The following PHLDB2 variants were observed in gnomAD, a reference collection of about 807,000 sequenced individuals.
PHLDB2 encodes pleckstrin homology-like domain family B member 2.
In PHLDB2, 71 loss-of-function variants were observed where a neutral mutation model predicts 123.6. That is an observed-to-expected ratio of 0.57 (90% CI 0.47 to 0.70). PHLDB2 has a LOEUF of 0.70. Ranked by LOEUF, PHLDB2 falls within the 30% of genes least tolerant of loss-of-function variation. PHLDB2 has a pLI of 0.00. For synonymous variants in PHLDB2, 547 were observed against 541.6 expected, an observed-to-expected ratio of 1.01 and a Z score of -0.14; for missense variants, 1,446 against 1,519.5, an observed-to-expected ratio of 0.95 and a Z score of 0.80.
intron 1 of PHLDB2, among the ~76,000 whole-genome samples, chr3:111,882,091 C>T (rs1471224492): frequency 6.6e-6 from 1 of 151,996 alleles, no homozygotes; most frequent in African/African-American, 2.4e-5. Flanking sequence ...AAATGTACTT[C>T]AAAATATGAT....
intron 8 of PHLDB2, among the ~76,000 whole-genome samples, chr3:111,943,228 A>C (rs1178692444): frequency 3.3e-5 from 5 of 152,180 alleles, no homozygotes; most frequent in African/African-American, 9.7e-5. Context: ...CTATAAGTCC[A>C]AAAATGGACC....
Position 111,966,590 on chromosome 3 carries a change from A to G in PHLDB2, c.3078-23A>G, listed in dbSNP as rs756011790. On this transcript the variant is annotated intron_variant, in intron 13 of 17. Coordinates refer to ENST00000431670, the MANE Select transcript of PHLDB2 (RefSeq NM_001134438.2). ...TTCTCAGTCTAAACCAATATTCTCA[A>G]AAGGCTTTGGTGTTTCATTCAGTGC... is the stretch of plus-strand genomic sequence containing the variant. The G allele has an allele frequency of 6.3e-6, 10 of 1,579,990 alleles. No individual in the cohort carries two copies. The Admixed American group carries it at 1.5e-4, about 24-fold the overall frequency.
At chr3:111,870,567 AAG>A (rs1050742373) in intron 1 of PHLDB2, among the ~76,000 whole-genome samples, 4 of 152,104 alleles carry the variant, frequency 2.6e-5, no homozygotes, top group African/African-American at 9.7e-5. Flanking sequence ...TTAGTGGAAA[AAG>A]AGAGAAGTTT....
At chr3:111,921,643 G>A (rs573272059) in intron 5 of PHLDB2, among the ~76,000 whole-genome samples, 92 of 131,624 alleles carry the variant, frequency 7.0e-4, no homozygotes, top group African/African-American at 2.4e-3. Context: ...TCACTCTGTC[G>A]CCCAGGCTGG....
chr3:111,972,541 C>A (rs2072270083), intron 16 of PHLDB2, among the ~76,000 whole-genome samples: 1 of 106,420 alleles, frequency 9.4e-6, no homozygotes, highest in South Asian at 3.3e-4. Context: ...CGTTTTTAAG[C>A]CTTAAATATT....
chr3:111,913,285 ACCCACTGACCT>A (rs149527015), intron 2 of PHLDB2, 23 bp from the exon 3 acceptor site: 203,164 of 1,539,174 alleles, frequency 0.13, 14,751 homozygotes, highest in Non-Finnish European at 0.15. Context: ...ATTCTCACAA[ACCCACTGACCT>A]CCCCCTCCTC....
chr3:111,966,500 CATGTGTGTGTGTGTGTGTGTGTCTGGG>C (rs1454162261), intron 13 of PHLDB2, 86 bp from the exon 14 acceptor site: 17 of 467,510 alleles, frequency 3.6e-5, no homozygotes, highest in East Asian at 7.6e-5. Flanking sequence ...CCCTTGACCC[CATGTGTGTGTGTGTGTGTGTGTCTGGG>C]GTGTGTGTGT....
At chr3:111,842,221 C>G (rs946761352) in intron 1 of PHLDB2, among the ~76,000 whole-genome samples, 1 of 152,196 alleles carries the variant, frequency 6.6e-6, no homozygotes, top group African/African-American at 2.4e-5. Flanking sequence ...CTTCTTGCCT[C>G]CATCAACAAT....
intron 1 of PHLDB2, among the ~76,000 whole-genome samples, chr3:111,783,982 G>C (rs1354032315): frequency 6.6e-6 from 1 of 152,120 alleles, no homozygotes; most frequent in African/African-American, 2.4e-5. Flanking sequence ...AAGGGCAATT[G>C]TTTAGAGGAT....
rs186490608 is a variant in PHLDB2, at chr3:111,830,982, A to G, written c.-48-14839A>G. On this transcript the variant is annotated intron_variant, in intron 1 of 17. Transcript: ENST00000393923. ...GAAAGAAAGAAAGAAAGAAAGAAAG[A>G]AAGAAAGAAAGAAAGAAAGAAAGAA... Among the ~76,000 whole-genome samples, 460 of 61,634 alleles carry G rather than the reference A, an allele frequency of 7.5e-3. 28 individuals are homozygous for G. Among genetic ancestry groups the G allele is most frequent in the Admixed American group, 8.7e-3 (48 of 5,512 alleles). 40.4% of individuals were successfully genotyped at this position (61,634 alleles called of 152,430 possible).
intron 1 of PHLDB2, among the ~76,000 whole-genome samples, chr3:111,736,483 G>A (rs775991666): frequency 1.1e-4 from 16 of 152,142 alleles, no homozygotes; most frequent in Non-Finnish European, 1.8e-4. Context: ...ACTCAATACA[G>A]GTGAATGGCC....
At chr3:111,806,220 A>G (rs1033341061) in intron 1 of PHLDB2, among the ~76,000 whole-genome samples, 1 of 152,198 alleles carries the variant, frequency 6.6e-6, no homozygotes, top group Non-Finnish European at 1.5e-5. Flanking sequence ...GTGTACAATT[A>G]TAGAATTTTT....
chr3:111,867,097 A>T (rs2065127143), intron 1 of PHLDB2, among the ~76,000 whole-genome samples: 1 of 152,158 alleles, frequency 6.6e-6, no homozygotes, highest in Admixed American at 6.5e-5. Context: ...TCTTGCAAAT[A>T]TCTTAAATGT....
intron 5 of PHLDB2, among the ~76,000 whole-genome samples, chr3:111,929,498 G>A (rs2068993891): frequency 6.6e-6 from 1 of 152,176 alleles, no homozygotes; most frequent in South Asian, 2.1e-4. Context: ...TACATTCACT[G>A]TAGAAGGTGA....
intron 1 of PHLDB2, among the ~76,000 whole-genome samples, chr3:111,771,713 AG>A (rs1198553384): frequency 3.9e-5 from 6 of 152,166 alleles, no homozygotes; most frequent in Non-Finnish European, 8.8e-5. Context: ...CCTTTGTGTA[AG>A]GATGCCAGTT....
intron 1 of PHLDB2, among the ~76,000 whole-genome samples, chr3:111,839,964 TGC>T (rs1304722437): frequency 4.2e-4 from 60 of 141,584 alleles, no homozygotes; most frequent in African/African-American, 1.6e-3. Context: ...TTTTTTTTTT[TGC>T]GCCAAGTGTG....
chr3:111,920,106 G>A (rs2068413430), intron 4 of PHLDB2, among the ~76,000 whole-genome samples, 176 bp from the exon 5 acceptor site: 2 of 152,176 alleles, frequency 1.3e-5, no homozygotes, highest in African/African-American at 4.8e-5. Context: ...TCTCTAGCTC[G>A]CTTATATGGG....
chr3:111,972,932 A>G (rs962473215), intron 16 of PHLDB2, among the ~76,000 whole-genome samples: 4 of 152,176 alleles, frequency 2.6e-5, no homozygotes, highest in Non-Finnish European at 5.9e-5. Flanking sequence ...ACTGTCTTCC[A>G]AAAGAGGCTG....
At chr3:111,779,372 C>G (rs906050646) in intron 1 of PHLDB2, among the ~76,000 whole-genome samples, 2 of 151,818 alleles carry the variant, frequency 1.3e-5, no homozygotes, top group Non-Finnish European at 2.9e-5. Flanking sequence ...AAGCGTAGTA[C>G]CCAATAGATA....
Sources: allele counts gnomAD v4.1 joint callset (sites outside exome capture counted in the v4.1 genomes callset), GRCh38; gene constraint gnomAD v4.1.1; transcripts MANE v1.5; gene names NCBI Gene and HGNC (gene_info 2026-07-23, HGNC 2026-07-21).